RALGAPA2: variants seen among roughly 807,000 people sequenced by gnomAD.
RALGAPA2 encodes the protein ral GTPase-activating protein subunit alpha-2.
In RALGAPA2, 139 loss-of-function variants were observed where a neutral mutation model predicts 230.4. That is an observed-to-expected ratio of 0.60 (90% CI 0.53 to 0.69). RALGAPA2 has a LOEUF of 0.69. Ranked by LOEUF, RALGAPA2 falls within the 30% of genes least tolerant of loss-of-function variation. The pLI, the probability that RALGAPA2 is intolerant of heterozygous loss-of-function variation, is 0.00. For missense variants in RALGAPA2, 2,163 were observed against 2,276.0 expected (o/e 0.95, Z 1.01); for synonymous variants, 847 against 837.8 (o/e 1.01, Z -0.19).
chr20:20,667,827 A>T (rs1452544713), intron 3 of RALGAPA2, among the ~76,000 whole-genome samples: 2 of 152,216 alleles, frequency 1.3e-5, no homozygotes, highest in African/African-American at 4.8e-5. Context: ...TTTATTTAAC[A>T]TTATTTTCAT....
intron 36 of RALGAPA2, among the ~76,000 whole-genome samples, chr20:20,491,992 C>T (rs1232629567): frequency 6.6e-6 from 1 of 152,042 alleles, no homozygotes; most frequent in African/African-American, 2.4e-5. Context: ...CGGATTCTGC[C>T]AGGCACATAA....
At chr20:20,459,166 G>A (rs1209443889) in intron 37 of RALGAPA2, among the ~76,000 whole-genome samples, 1 of 151,808 alleles carries the variant, frequency 6.6e-6, no homozygotes, top group African/African-American at 2.4e-5. Context: ...ATTAAACTAA[G>A]ATTATAAAAA....
At chr20:20,487,352 C>T (rs921831099) in intron 36 of RALGAPA2, among the ~76,000 whole-genome samples, 1 of 152,144 alleles carries the variant, frequency 6.6e-6, no homozygotes, top group Non-Finnish European at 1.5e-5. Flanking sequence ...CTGGGATGTG[C>T]AGTTCTTTCA....
intron 3 of RALGAPA2, among the ~76,000 whole-genome samples, chr20:20,664,719 C>T (rs2067901548): frequency 6.6e-6 from 1 of 152,184 alleles, no homozygotes; most frequent in African/African-American, 2.4e-5. Flanking sequence ...CACTCCAAGA[C>T]AGTTTCTATA....
In RALGAPA2 at chr20:20,712,203, C is replaced by T. The variant is rs911064441; in HGVS notation, c.106+172G>A. 4.6e-5 allele frequency among the ~76,000 whole-genome samples: 7 copies of T among 152,120 alleles called. No individual in the cohort carries two copies. The highest frequency in any genetic ancestry group is 1.4e-4 in the African/African-American group (6 of 41,432). ...GCAGTGCCCGAGGGCCAGGCTGCGGCTTTCTGGAAACAAAGCCCCGGGGGT... is the reference window on the plus strand; with the variant it reads ...GCAGTGCCCGAGGGCCAGGCTGCGGTTTTCTGGAAACAAAGCCCCGGGGGT... On this transcript the variant is annotated intron_variant, in intron 1 of 39. Coordinates refer to ENST00000202677, the MANE Select transcript of RALGAPA2 (RefSeq NM_020343.4). The surrounding 1 kb of genome is among the most constrained non-coding windows in gnomAD (Gnocchi z 5.5).
intron 37 of RALGAPA2, among the ~76,000 whole-genome samples, chr20:20,451,981 G>C (rs990720397): frequency 4.6e-5 from 7 of 152,182 alleles, no homozygotes; most frequent in Admixed American, 4.6e-4. Context: ...GCATTAGGCA[G>C]TAGTTTCTAT....
chr20:20,473,827 A>T (rs921475999), intron 36 of RALGAPA2, among the ~76,000 whole-genome samples: 2 of 152,216 alleles, frequency 1.3e-5, no homozygotes, highest in Admixed American at 1.3e-4. Context: ...CACAATTCTT[A>T]CATGAGCTCC....
At chr20:20,653,781 G>T (rs1603206176) in intron 3 of RALGAPA2, among the ~76,000 whole-genome samples, 194 bp from the exon 4 acceptor site, 1 of 152,104 alleles carries the variant, frequency 6.6e-6, no homozygotes, top group South Asian at 2.1e-4. Context: ...TTTCTTACCT[G>T]AATGTTTTAA....
chr20:20,584,167 C>T (rs764202024), intron 19 of RALGAPA2, among the ~76,000 whole-genome samples: 2 of 152,184 alleles, frequency 1.3e-5, no homozygotes, highest in Non-Finnish European at 2.9e-5. Context: ...TTCAGGAAAG[C>T]AGAGTACTAA....
chr20:20,479,342 AC>A (rs994578277), intron 36 of RALGAPA2, among the ~76,000 whole-genome samples: 3 of 152,230 alleles, frequency 2.0e-5, no homozygotes, highest in African/African-American at 7.2e-5. Context: ...CAATCTTAAT[AC>A]CAAAATGAGG....
At chr20:20,551,103 T>C (rs1307465813) in intron 23 of RALGAPA2, among the ~76,000 whole-genome samples, 1 of 152,202 alleles carries the variant, frequency 6.6e-6, no homozygotes, top group East Asian at 1.9e-4. Context: ...ACAAGGCAAA[T>C]ACTGAAAGAA....
intron 37 of RALGAPA2, among the ~76,000 whole-genome samples, chr20:20,456,698 C>T (rs542402963): frequency 1.1e-4 from 16 of 152,356 alleles, no homozygotes; most frequent in African/African-American, 3.4e-4. Context: ...GCTGTTCCAG[C>T]TATGCCAATG....
chr20:20,572,773 T>C (rs2064687499), intron 21 of RALGAPA2, 102 bp downstream of exon 21: 1 of 979,548 alleles, frequency 1.0e-6, no homozygotes, highest in Non-Finnish European at 1.4e-6. Context: ...GTACCATTTG[T>C]GTTTCGGAAT....
chr20:20,563,006 G>A (rs1445904771), intron 23 of RALGAPA2, among the ~76,000 whole-genome samples: 1 of 152,202 alleles, frequency 6.6e-6, no homozygotes, highest in African/African-American at 2.4e-5. Context: ...ACACTCGGAA[G>A]GCAGTGGATG....
chr20:20,615,261 A>T (rs1474021172), intron 13 of RALGAPA2, among the ~76,000 whole-genome samples: 1 of 151,734 alleles, frequency 6.6e-6, no homozygotes, highest in Non-Finnish European at 1.5e-5. Context: ...TCCGGGTTCA[A>T]GCGATTCTCC....
chr20:20,676,203 T>G (rs1200717940), intron 3 of RALGAPA2, 33 bp downstream of exon 3: 1 of 1,387,240 alleles, frequency 7.2e-7, no homozygotes, highest in Non-Finnish European at 9.9e-7. Context: ...CCAACAAGAA[T>G]TATAAAAGCT....
intron 37 of RALGAPA2, among the ~76,000 whole-genome samples, chr20:20,420,622 G>A (rs1417092698): frequency 6.6e-6 from 1 of 152,142 alleles, no homozygotes; most frequent in African/African-American, 2.4e-5. Context: ...AGGAAATGGA[G>A]CAGAAGCAGG....
intron 35 of RALGAPA2, among the ~76,000 whole-genome samples, chr20:20,497,965 A>C (rs1461847594): frequency 1.3e-5 from 2 of 152,254 alleles, no homozygotes; most frequent in Non-Finnish European, 2.9e-5. Flanking sequence ...AATCTGGAGC[A>C]AAGGGCAAAA....
chr20:20,486,751 T>C (rs2061922693), intron 36 of RALGAPA2, among the ~76,000 whole-genome samples: 1 of 152,228 alleles, frequency 6.6e-6, no homozygotes, highest in Non-Finnish European at 1.5e-5. Flanking sequence ...GGAAGTTCTG[T>C]TCAGATGTTT....
Sources: gnomAD v4.1 joint callset for allele counts (sites outside exome capture counted in the v4.1 genomes callset) on GRCh38, gnomAD v4.1.1 for gene constraint, Gnocchi (gnomAD v3.1) non-coding constraint, MANE v1.5 for transcripts, NCBI Gene and HGNC (gene_info 2026-07-23, HGNC 2026-07-21) for gene names.